The following GPR149 variants were observed in gnomAD, a reference collection of about 807,000 sequenced individuals.
GPR149 encodes the protein probable G protein-coupled receptor 149.
In GPR149, 50 loss-of-function variants were observed where a neutral mutation model predicts 50.2. The observed-to-expected ratio is 1.00, with a 90% CI of 0.79 to 1.26. GPR149 has a LOEUF of 1.26. Among genes scored for constraint, GPR149 ranks in the 50% most tolerant of loss-of-function variants. GPR149 has a pLI of 0.00. For missense variants in GPR149, 983 were observed against 895.4 expected (o/e 1.10, Z -1.25); for synonymous variants, 405 against 358.2 (o/e 1.13, Z -1.48).
chr3:154,342,070 T>C (rs1559968528), intron 3 of GPR149, among the ~76,000 whole-genome samples: 3 of 152,230 alleles, frequency 2.0e-5, no homozygotes, highest in Non-Finnish European at 4.4e-5. Context: ...AAAAAATTCT[T>C]AATAATTCTT....
intron 3 of GPR149, among the ~76,000 whole-genome samples, chr3:154,371,647 TA>T (rs1714665175): frequency 6.6e-6 from 1 of 152,142 alleles, no homozygotes; most frequent in African/African-American, 2.4e-5. Flanking sequence ...TATTAACAGC[TA>T]AAAAAGGAGG....
chr3:154,389,599 T>G (rs1291822046), intron 3 of GPR149, among the ~76,000 whole-genome samples: 2 of 152,028 alleles, frequency 1.3e-5, no homozygotes, highest in Non-Finnish European at 2.9e-5. Flanking sequence ...AGCTAACACA[T>G]GAAGCAGCCC....
chr3:154,354,809 C>T, intron 3 of GPR149: 1 of 605,998 alleles, frequency 1.7e-6, no homozygotes. Flanking sequence ...TTACTGGCCA[C>T]CACCTCCCTC....
intron 3 of GPR149, among the ~76,000 whole-genome samples, chr3:154,370,889 C>T (rs1382533790): frequency 1.3e-5 from 2 of 152,140 alleles, no homozygotes; most frequent in East Asian, 3.9e-4. Flanking sequence ...CCCAAAAGTC[C>T]CACACCCTTA....
chr3:154,399,815 C>T (rs531177779), intron 3 of GPR149, among the ~76,000 whole-genome samples: 2 of 152,262 alleles, frequency 1.3e-5, no homozygotes, highest in South Asian at 4.1e-4. Flanking sequence ...CCTAAATCAC[C>T]TCCACACTCC....
At chr3:154,365,630 T>C (rs1208019098) in intron 3 of GPR149, among the ~76,000 whole-genome samples, 1 of 152,212 alleles carries the variant, frequency 6.6e-6, no homozygotes, top group Non-Finnish European at 1.5e-5. Flanking sequence ...TGCACCACCC[T>C]GAACACTTTG....
chr3:154,371,489 G>A (rs976039934), intron 3 of GPR149, among the ~76,000 whole-genome samples: 11 of 152,078 alleles, frequency 7.2e-5, no homozygotes, highest in African/African-American at 2.7e-4. Context: ...ACTGGAATTG[G>A]AGGCATAACC....
Position 154,337,997 on chromosome 3 carries a change from G to A in GPR149, c.1898C>T (p.Thr633Ile). 1 of 1,614,164 alleles carries A rather than the reference G, an allele frequency of 6.2e-7. No individual in the cohort carries two copies. Among genetic ancestry groups the A allele is most frequent in the Non-Finnish European group, 8.5e-7 (1 of 1,180,020 alleles). ...ACTGATGTTACTAATGATTGACACA[G>A]TGTCCAAGGCCTCTTCATTATCACA... ...EICDNEEALD[T>I]VSIISNISQS... is the part of the protein sequence containing the mutation. Residue 633 changes from threonine to isoleucine, a missense_variant, in exon 4 of 4, where the codon ACT becomes ATT. Thr to Ile is a moderately conservative substitution (Grantham distance 89). Coordinates refer to ENST00000389740, the MANE Select transcript of GPR149 (RefSeq NM_001038705.3).
intron 3 of GPR149, among the ~76,000 whole-genome samples, chr3:154,392,723 A>T (rs1715198617): frequency 6.6e-6 from 1 of 151,924 alleles, no homozygotes; most frequent in African/African-American, 2.4e-5. Flanking sequence ...AAATAAATAA[A>T]ATTAGAAATA....
intron 3 of GPR149, among the ~76,000 whole-genome samples, chr3:154,369,411 C>T (rs980158623): frequency 2.6e-5 from 4 of 152,122 alleles, no homozygotes; most frequent in Non-Finnish European, 4.4e-5. Flanking sequence ...TTTCTTTGCC[C>T]TTCGTGACAA....
At chr3:154,414,124 T>C (rs1321450697) in intron 3 of GPR149, among the ~76,000 whole-genome samples, 2 of 151,732 alleles carry the variant, frequency 1.3e-5, no homozygotes, top group Non-Finnish European at 2.9e-5. Flanking sequence ...GATGCAAAGG[T>C]GTAAGAATGA....
At chr3:154,361,235 A>G (rs1170663537) in intron 3 of GPR149, among the ~76,000 whole-genome samples, 1 of 152,222 alleles carries the variant, frequency 6.6e-6, no homozygotes, top group Non-Finnish European at 1.5e-5. Context: ...GAAGTTATAC[A>G]TAGAACATCA....
intron 3 of GPR149, among the ~76,000 whole-genome samples, chr3:154,399,388 A>AT (rs1371016233): frequency 1.2e-4 from 19 of 152,348 alleles, no homozygotes; most frequent in African/African-American, 4.3e-4. Flanking sequence ...AATAAATGCT[A>AT]TTATAAATTA....
Position 154,429,255 on chromosome 3 carries a change from A to G in GPR149, c.361T>C (p.Leu121=). The G allele has an allele frequency of 6.2e-7, 1 of 1,614,196 alleles. No homozygotes were observed. Among genetic ancestry groups the G allele is most frequent in the South Asian group, 1.1e-5 (1 of 91,084 alleles). Residue 121 remains leucine (L), a synonymous_variant, in exon 1 of 4, where the codon TTG becomes CTG. Transcript: ENST00000389740. ...MYLCQGLSSN[L]KATLLVSYNF... ...TAAGAGACTAGGAGAGTCGCCTTCA[A>G]GTTGCTAGAGAGGCCCTGGCATAAA...
chr3:154,367,369 C>A (rs1714555566), intron 3 of GPR149, among the ~76,000 whole-genome samples: 2 of 149,680 alleles, frequency 1.3e-5, no homozygotes, highest in African/African-American at 2.4e-5. Context: ...ATGTTAAAAG[C>A]CAGTTTTTCT....
intron 3 of GPR149, among the ~76,000 whole-genome samples, chr3:154,394,056 G>T (rs1715233085): frequency 6.6e-6 from 1 of 151,866 alleles, no homozygotes; most frequent in South Asian, 2.1e-4. Flanking sequence ...AGAAAGAGAA[G>T]AAATAGTTCT....
chr3:154,382,569 G>C (rs973377013), intron 3 of GPR149, among the ~76,000 whole-genome samples: 1 of 152,142 alleles, frequency 6.6e-6, no homozygotes, highest in Non-Finnish European at 1.5e-5. Flanking sequence ...TTGAAAAATA[G>C]TCCTTTTGAA....
At chr3:154,355,609 C>A (rs1714200983) in intron 3 of GPR149, among the ~76,000 whole-genome samples, 1 of 151,868 alleles carries the variant, frequency 6.6e-6, no homozygotes, top group Non-Finnish European at 1.5e-5. Flanking sequence ...GTTTTTCTAA[C>A]AAAATAAAAG....
At chr3:154,419,551 A>C (rs1421806461) in intron 3 of GPR149, among the ~76,000 whole-genome samples, 1 of 152,100 alleles carries the variant, frequency 6.6e-6, no homozygotes, top group Non-Finnish European at 1.5e-5. Context: ...AAAGCTAAAC[A>C]ATATAGTATG....
Sources: allele counts gnomAD v4.1 joint callset (sites outside exome capture counted in the v4.1 genomes callset), GRCh38; gene constraint gnomAD v4.1.1; transcripts MANE v1.5; gene names NCBI Gene and HGNC (gene_info 2026-07-23, HGNC 2026-07-21).